PARD3B: variants seen among roughly 807,000 people sequenced by gnomAD.
The protein encoded by PARD3B is partitioning defective 3 homolog B.
Under a neutral mutation model 130.2 loss-of-function variants are expected in PARD3B, and 103 were observed. That is an observed-to-expected ratio of 0.79 (90% CI 0.67 to 0.93). PARD3B has a LOEUF of 0.93. PARD3B is among the 40% of genes least tolerant of loss of function. The probability of loss-of-function intolerance (pLI) is 0.00; values close to 1 mark genes in which losing one functional copy is unlikely to be tolerated. For missense variants in PARD3B, 1,609 were observed against 1,499.2 expected (o/e 1.07, Z -1.21); for synonymous variants, 583 against 553.2 (o/e 1.05, Z -0.76).
chr2:205,552,937 A>G (rs550758321), intron 21 of PARD3B, among the ~76,000 whole-genome samples: 13 of 152,332 alleles, frequency 8.5e-5, no homozygotes, highest in Non-Finnish European at 1.8e-4. Context: ...GAAACTGGGT[A>G]CAGGATGTAT....
In PARD3B at chr2:204,799,685, T is replaced by C. The variant is rs1175482269; in HGVS notation, c.222+113403T>C. On this transcript the variant is annotated intron_variant, in intron 2 of 22. Transcript: ENST00000406610. This position sits in a 1 kb window ranked among gnomAD's most constrained non-coding sequence, Gnocchi z 4.1. ...CAGCACAGAGAAAGACTGACTCTTT[T>C]TGGGGGCAAAGTGAGGGAAGAGAAC... Among the ~76,000 whole-genome samples the C allele has an allele frequency of 1.3e-5, 2 of 152,152 alleles. No homozygotes were observed. The highest frequency in any genetic ancestry group is 2.9e-5 in the Non-Finnish European group (2 of 68,028).
Position 205,446,734 on chromosome 2 carries a change from A to G in PARD3B, c.3044+6062A>G, listed in dbSNP as rs998553190. ...AGAGACACGTGACTGGATTTTCACA[A>G]TGCTGGTTCTTCCAGGATTTGAACG... On this transcript the variant is annotated intron_variant, in intron 20 of 22. Transcript: ENST00000406610. The surrounding 1 kb of genome is among the most constrained non-coding windows in gnomAD (Gnocchi z 4.4). Among the ~76,000 whole-genome samples, 1 of 152,194 alleles carries G rather than the reference A, an allele frequency of 6.6e-6. No individual in the cohort carries two copies. The highest frequency in any genetic ancestry group is 1.5e-5 in the Non-Finnish European group (1 of 68,036).
At chr2:205,289,057 A>G (rs1157132358) in intron 16 of PARD3B, among the ~76,000 whole-genome samples, 5 of 152,226 alleles carry the variant, frequency 3.3e-5, no homozygotes, top group Non-Finnish European at 2.9e-5. Context: ...CTAGTTCTTT[A>G]CTTGCTGTCC....
rs185320959 is a variant in PARD3B, at chr2:205,105,091, C to T, written c.593+577C>T. On this transcript the variant is annotated intron_variant, in intron 5 of 22. Transcript: ENST00000406610. This position sits in a 1 kb window ranked among gnomAD's most constrained non-coding sequence, Gnocchi z 4.0. ...TTCCCAGTTCAGCTCTAGGTAGTGCCTGGGTTCATATCGCAGCTATGCCTC... is the reference window on the plus strand; with the variant it reads ...TTCCCAGTTCAGCTCTAGGTAGTGCTTGGGTTCATATCGCAGCTATGCCTC... Among the ~76,000 whole-genome samples, 2 of 152,262 alleles carry T rather than the reference C, an allele frequency of 1.3e-5. No individual in the cohort carries two copies. The highest frequency in any genetic ancestry group is 6.5e-5 in the Admixed American group (1 of 15,294).
intron 2 of PARD3B, among the ~76,000 whole-genome samples, chr2:204,785,645 C>G (rs1315133060): frequency 2.0e-5 from 3 of 152,248 alleles, no homozygotes; most frequent in Admixed American, 2.0e-4. Context: ...CACTGGACTG[C>G]TTTTCATCCA....
In PARD3B at chr2:205,230,473, GC is replaced by G. The variant is rs1450391101; in HGVS notation, c.2141-15300del. 6.6e-6 allele frequency among the ~76,000 whole-genome samples: 1 copy of G among 152,132 alleles called. No homozygotes were observed. The highest frequency in any genetic ancestry group is 1.5e-5 in the Non-Finnish European group (1 of 68,038). ...TGGGGGCCCCAGGACTCTGCCCAGT[GC>G]CCCCTACTGTGGTAGAGCTAGGATT... On this transcript the variant is annotated intron_variant, in intron 15 of 22. Transcript: ENST00000406610. The surrounding 1 kb of genome is among the most constrained non-coding windows in gnomAD (Gnocchi z 4.1).
intron 6 of PARD3B, among the ~76,000 whole-genome samples, chr2:205,118,379 C>A (rs796582538): frequency 1.3e-5 from 2 of 152,186 alleles, no homozygotes; most frequent in African/African-American, 4.8e-5. Flanking sequence ...ACAGGAAACA[C>A]CCAACACATA....
chr2:204,670,476 G>T (rs914134034), intron 1 of PARD3B, among the ~76,000 whole-genome samples: 1 of 152,058 alleles, frequency 6.6e-6, no homozygotes, highest in Non-Finnish European at 1.5e-5. Flanking sequence ...AAACCCCACA[G>T]GTTTTTTCTA....
At chr2:205,400,665 G>T (rs1019406288) in intron 18 of PARD3B, among the ~76,000 whole-genome samples, 2 of 151,422 alleles carry the variant, frequency 1.3e-5, no homozygotes, top group African/African-American at 4.9e-5. Flanking sequence ...AAAAACTAAA[G>T]AAAGTCCTAC....
chr2:205,607,096 A>T lies in PARD3B; in HGVS notation c.3261-8360A>T, dbSNP rs113596207. Among the ~76,000 whole-genome samples the T allele has an allele frequency of 5.9e-5, 9 of 152,338 alleles. 2 individuals are homozygous for T. Among genetic ancestry groups the T allele is most frequent in the African/African-American group, 2.2e-4 (9 of 41,582 alleles). ...TATCTGTTTGATTTTCATAAAGGGCACCAAGAAACTTTGCTTTCCTTAAGA... is the reference window on the plus strand; with the variant it reads ...TATCTGTTTGATTTTCATAAAGGGCTCCAAGAAACTTTGCTTTCCTTAAGA... On this transcript the variant is annotated intron_variant, in intron 22 of 22. Transcript: ENST00000406610.
At chr2:204,812,246 G>A (rs990293017) in intron 2 of PARD3B, among the ~76,000 whole-genome samples, 4 of 152,064 alleles carry the variant, frequency 2.6e-5, no homozygotes, top group African/African-American at 7.2e-5. Context: ...GATATACCAC[G>A]GTTTGATTGT....
intron 19 of PARD3B, among the ~76,000 whole-genome samples, chr2:205,409,409 A>G (rs1460060571): frequency 6.6e-6 from 1 of 152,160 alleles, no homozygotes; most frequent in Non-Finnish European, 1.5e-5. Flanking sequence ...CCCGGGGTGA[A>G]GGTAGCTTTA....
chr2:204,879,255 G>C (rs577453390), intron 2 of PARD3B, among the ~76,000 whole-genome samples: 1 of 152,322 alleles, frequency 6.6e-6, no homozygotes, highest in South Asian at 2.1e-4. Flanking sequence ...TCAGATGACA[G>C]GTCAAGCAGG....
At chr2:204,971,947 C>T (rs754943367) in intron 3 of PARD3B, among the ~76,000 whole-genome samples, 28 of 151,450 alleles carry the variant, frequency 1.8e-4, no homozygotes, top group South Asian at 2.1e-4. Context: ...TGAGCCACCA[C>T]GCCTTGGCTG....
chr2:204,941,726 T>A (rs2125803315), intron 2 of PARD3B, among the ~76,000 whole-genome samples: 1 of 152,290 alleles, frequency 6.6e-6, no homozygotes, highest in African/African-American at 2.4e-5. Context: ...TTAGATGCTG[T>A]ACATGATGAG....
At chr2:205,613,691 G>A (rs1303940460) in intron 22 of PARD3B, among the ~76,000 whole-genome samples, 1 of 152,158 alleles carries the variant, frequency 6.6e-6, no homozygotes. Flanking sequence ...ATTACCCCAA[G>A]CTCAAGGATC....
chr2:204,584,573 C>T (rs1163661153), intron 1 of PARD3B, among the ~76,000 whole-genome samples: 1 of 152,140 alleles, frequency 6.6e-6, no homozygotes, highest in Non-Finnish European at 1.5e-5. Context: ...CTTTGCTGCA[C>T]AAAAGGGCCA....
intron 2 of PARD3B, among the ~76,000 whole-genome samples, chr2:204,775,043 C>T (rs2041559914): frequency 6.6e-6 from 1 of 152,128 alleles, no homozygotes; most frequent in Non-Finnish European, 1.5e-5. Context: ...AATTTCCTTT[C>T]TAACACAAAT....
chr2:205,032,562 C>G (rs1697501894), intron 3 of PARD3B, among the ~76,000 whole-genome samples: 1 of 152,122 alleles, frequency 6.6e-6, no homozygotes, highest in Non-Finnish European at 1.5e-5. Flanking sequence ...CTGGCACTTT[C>G]ATTAGGCATG....
Sources: gnomAD v4.1 joint callset for allele counts (sites outside exome capture counted in the v4.1 genomes callset) on GRCh38, gnomAD v4.1.1 for gene constraint, Gnocchi (gnomAD v3.1) non-coding constraint, MANE v1.5 for transcripts, NCBI Gene and HGNC (gene_info 2026-07-23, HGNC 2026-07-21) for gene names.